SGCZ: variants seen among roughly 807,000 people sequenced by gnomAD.
SGCZ encodes zeta-sarcoglycan.
In SGCZ, 40 loss-of-function variants were observed where a neutral mutation model predicts 41.3. The ratio of observed to expected loss-of-function variants is 0.97; its 90% CI spans 0.75 to 1.26. The LOEUF (loss-of-function observed/expected upper bound fraction) is 1.26, where lower values mean the gene tolerates loss of function less well. Ranked by LOEUF, SGCZ falls within the 50% of genes most tolerant of loss-of-function variation. The pLI, the probability that SGCZ is intolerant of heterozygous loss-of-function variation, is 0.00. For missense variants in SGCZ, 552 were observed against 369.8 expected, an observed-to-expected ratio of 1.49 and a Z score of -4.04; for synonymous variants, 206 against 137.5, an observed-to-expected ratio of 1.50 and a Z score of -3.49.
At chr8:15,109,379 T>G (rs1034291438) in intron 1 of SGCZ, among the ~76,000 whole-genome samples, 1 of 152,108 alleles carries the variant, frequency 6.6e-6, no homozygotes, top group Non-Finnish European at 1.5e-5. Context: ...TGAGAAGGAA[T>G]GTTGGCCAAT....
intron 1 of SGCZ, among the ~76,000 whole-genome samples, chr8:15,054,411 G>A (rs1433925060): frequency 1.3e-5 from 2 of 151,994 alleles, no homozygotes; most frequent in Non-Finnish European, 2.9e-5. Context: ...TGCAGATCCT[G>A]GTGTCACCCC....
At chr8:14,799,101 C>G (rs1585269911) in intron 1 of SGCZ, among the ~76,000 whole-genome samples, 1 of 151,708 alleles carries the variant, frequency 6.6e-6, no homozygotes, top group East Asian at 1.9e-4. Flanking sequence ...AATTTTTTAA[C>G]TGTACTTTCA....
chr8:14,386,329 T>A (rs116377887), intron 2 of SGCZ, among the ~76,000 whole-genome samples: 1 of 151,548 alleles, frequency 6.6e-6, no homozygotes, highest in Non-Finnish European at 1.5e-5. Flanking sequence ...TTCTTAGTAA[T>A]TGAAAAGTCT....
intron 1 of SGCZ, among the ~76,000 whole-genome samples, chr8:15,235,911 C>A (rs138837024): frequency 3.4e-4 from 52 of 152,290 alleles, no homozygotes; most frequent in Admixed American, 1.2e-3. Context: ...TACCCCTTCT[C>A]CCAAGAGACT....
chr8:14,148,302 A>G (rs893929904), intron 5 of SGCZ, among the ~76,000 whole-genome samples: 1 of 152,012 alleles, frequency 6.6e-6, no homozygotes, highest in Non-Finnish European at 1.5e-5. Flanking sequence ...ACAAACCTTT[A>G]GCCAAACTAA....
intron 1 of SGCZ, among the ~76,000 whole-genome samples, chr8:15,201,184 TTTTTGTA>T (rs1267638298): frequency 2.6e-5 from 4 of 152,096 alleles, no homozygotes; most frequent in Admixed American, 2.0e-4. Context: ...GTCTGGCTAA[TTTTTGTA>T]TTTTTATTAG....
intron 1 of SGCZ, among the ~76,000 whole-genome samples, chr8:14,876,352 T>C (rs1804356487): frequency 6.6e-6 from 1 of 152,182 alleles, no homozygotes; most frequent in Admixed American, 6.6e-5. Flanking sequence ...GGTAAAGCTG[T>C]GCATAAGAAG....
chr8:14,857,029 G>A (rs1298928803), intron 1 of SGCZ, among the ~76,000 whole-genome samples: 1 of 152,094 alleles, frequency 6.6e-6, no homozygotes, highest in East Asian at 1.9e-4. Flanking sequence ...TGGGATCATG[G>A]GGCAGAATTC....
chr8:14,460,033 G>A (rs1486353541), intron 2 of SGCZ, among the ~76,000 whole-genome samples: 1 of 152,090 alleles, frequency 6.6e-6, no homozygotes, highest in East Asian at 1.9e-4. Context: ...TGGGTTAAGT[G>A]AAATTCAAAT....
intron 2 of SGCZ, among the ~76,000 whole-genome samples, chr8:14,342,689 C>A (rs545938389): frequency 6.6e-6 from 1 of 151,844 alleles, no homozygotes; most frequent in African/African-American, 2.4e-5. Flanking sequence ...CAGTTTTAGT[C>A]GGGAAGCAGA....
chr8:14,726,122 G>T (rs1417279266), intron 1 of SGCZ, among the ~76,000 whole-genome samples: 2 of 151,336 alleles, frequency 1.3e-5, no homozygotes, highest in African/African-American at 4.8e-5. Flanking sequence ...AGCCAGGCGT[G>T]GTGGCACGCA....
chr8:14,792,403 T>C (rs571975636), intron 1 of SGCZ, among the ~76,000 whole-genome samples: 1 of 152,170 alleles, frequency 6.6e-6, no homozygotes, highest in African/African-American at 2.4e-5. Flanking sequence ...GTGTATTAAG[T>C]CTCTCTTTAG....
chr8:15,106,898 T>G (rs1344554589), intron 1 of SGCZ, among the ~76,000 whole-genome samples: 1 of 140,386 alleles, frequency 7.1e-6, no homozygotes, highest in Non-Finnish European at 1.6e-5. Context: ...ACTTCTGTTA[T>G]AGTCACCTTT....
chr8:15,022,344 A>G (rs912061796), intron 1 of SGCZ, among the ~76,000 whole-genome samples: 39 of 151,776 alleles, frequency 2.6e-4, no homozygotes, highest in African/African-American at 9.2e-4. Context: ...TTTTAATTTT[A>G]TTTATTTATT....
intron 2 of SGCZ, among the ~76,000 whole-genome samples, chr8:14,362,774 G>C (rs1224607745): frequency 2.0e-5 from 3 of 152,086 alleles, no homozygotes. Context: ...CATCTTCTGT[G>C]TCTATCTCAT....
intron 2 of SGCZ, among the ~76,000 whole-genome samples, chr8:14,393,348 G>T (rs943914652): frequency 7.1e-6 from 1 of 140,896 alleles, no homozygotes; most frequent in East Asian, 2.0e-4. Context: ...ATGAATGCCA[G>T]CAGGAACTAG....
chr8:14,842,339 A>AG (rs1802950602), intron 1 of SGCZ, among the ~76,000 whole-genome samples: 1 of 151,978 alleles, frequency 6.6e-6, no homozygotes, highest in Non-Finnish European at 1.5e-5. Flanking sequence ...TAGGCAGGAG[A>AG]GAAAAAAAGG....
chr8:14,376,974 A>G (rs1265163063), intron 2 of SGCZ, among the ~76,000 whole-genome samples: 1 of 152,134 alleles, frequency 6.6e-6, no homozygotes, highest in Non-Finnish European at 1.5e-5. Flanking sequence ...AGCCCTCTGA[A>G]TTTCCTGATT....
intron 4 of SGCZ, among the ~76,000 whole-genome samples, chr8:14,195,737 T>C (rs1249073723): frequency 2.0e-5 from 3 of 152,044 alleles, no homozygotes; most frequent in South Asian, 2.1e-4. Context: ...AGTGATGACA[T>C]AGGAGAGCAA....
Sources: gnomAD v4.1 joint callset for allele counts (sites outside exome capture counted in the v4.1 genomes callset) on GRCh38, gnomAD v4.1.1 for gene constraint, MANE v1.5 for transcripts, NCBI Gene and HGNC (gene_info 2026-07-23, HGNC 2026-07-21) for gene names.